The following PAK2 variants were observed in gnomAD, a reference collection of about 807,000 sequenced individuals.
PAK2 encodes the protein serine/threonine-protein kinase PAK 2.
PAK2 carries 21 observed loss-of-function variants against 65.9 expected under a neutral mutation model. The observed-to-expected ratio is 0.32, with a 90% CI of 0.23 to 0.46. The LOEUF is 0.46. Among genes scored for constraint, PAK2 ranks in the 20% least tolerant of loss-of-function variants. The pLI, the probability that PAK2 is intolerant of heterozygous loss-of-function variation, is 1.00. For synonymous variants in PAK2, 204 were observed against 219.7 expected (o/e 0.93, Z 0.63); for missense variants, 324 against 642.6 (o/e 0.50, Z 5.36).
At chr3:196,773,015 T>C (rs550083324) in intron 1 of PAK2, among the ~76,000 whole-genome samples, 64 of 152,324 alleles carry the variant, frequency 4.2e-4, no homozygotes, top group Middle Eastern at 6.8e-3. Context: ...CTCCACTATT[T>C]GGGCTGACCG....
chr3:196,787,629 G>C (rs914615367), intron 2 of PAK2, among the ~76,000 whole-genome samples: 6 of 152,096 alleles, frequency 3.9e-5, no homozygotes, highest in Non-Finnish European at 8.8e-5. Context: ...GCAAATAGGG[G>C]AGAATTGCAT....
At chr3:196,770,144 C>T (rs1714316082) in intron 1 of PAK2, among the ~76,000 whole-genome samples, 1 of 151,792 alleles carries the variant, frequency 6.6e-6, no homozygotes, top group Non-Finnish European at 1.5e-5. Context: ...GTAGTTCCAG[C>T]TACTTAGGAG....
intron 2 of PAK2, among the ~76,000 whole-genome samples, chr3:196,787,262 A>G (rs1426714938): frequency 6.6e-6 from 1 of 152,022 alleles, no homozygotes; most frequent in Non-Finnish European, 1.5e-5. Flanking sequence ...AGAAAAAAAA[A>G]CCTGTGGCTA....
At chr3:196,814,603 T>TA (rs761467669) in intron 11 of PAK2, 35 bp downstream of exon 11, 1 of 854,886 alleles carries the variant, frequency 1.2e-6, no homozygotes. Context: ...GTTATGGTGA[T>TA]ATGTGGTTAG....
intron 1 of PAK2, among the ~76,000 whole-genome samples, chr3:196,740,753 C>T (rs1713164166): frequency 6.6e-6 from 1 of 152,154 alleles, no homozygotes; most frequent in African/African-American, 2.4e-5. Context: ...AGCTTCTCCT[C>T]GCTCCTGTTT....
chr3:196,801,903 C>T (rs1395628245), intron 2 of PAK2, 24 bp from the exon 3 acceptor site: 1 of 1,184,472 alleles, frequency 8.4e-7, no homozygotes, highest in Non-Finnish European at 1.3e-6. Context: ...CTGATTCTTT[C>T]TCTTTTTTTC....
At chr3:196,755,699 C>T (rs901457034) in intron 1 of PAK2, among the ~76,000 whole-genome samples, 1 of 152,130 alleles carries the variant, frequency 6.6e-6, no homozygotes, top group African/African-American at 2.4e-5. Flanking sequence ...CTCAGGTGAT[C>T]CGCCTGCCTC....
intron 2 of PAK2, among the ~76,000 whole-genome samples, chr3:196,790,523 A>G (rs1715032584): frequency 6.6e-6 from 1 of 152,192 alleles, no homozygotes; most frequent in Non-Finnish European, 1.5e-5. Context: ...GTGTTTGATA[A>G]GCAGAAGTGG....
intron 8 of PAK2, among the ~76,000 whole-genome samples, chr3:196,811,221 C>CTTCCTTCCCTTCCT: frequency 6.7e-5 from 1 of 14,896 alleles, no homozygotes; most frequent in Non-Finnish European, 1.1e-4. Context: ...CCTTCCCTCC[C>CTTCCTTCCCTTCCT]TCCCTTCCCT....
chr3:196,797,310 A>G (rs1454158410), intron 2 of PAK2, among the ~76,000 whole-genome samples: 2 of 152,030 alleles, frequency 1.3e-5, no homozygotes, highest in African/African-American at 4.8e-5. Context: ...TAATTATACA[A>G]AAATTAGCTG....
chr3:196,821,171 G>A (rs535260816), intron 13 of PAK2, among the ~76,000 whole-genome samples: 3 of 151,980 alleles, frequency 2.0e-5, no homozygotes, highest in East Asian at 3.9e-4. Flanking sequence ...ACCATATGTG[G>A]CTCAACATTA....
chr3:196,807,923 T>C lies in PAK2; in HGVS notation c.709+9T>C, dbSNP rs565096849. The C allele has an allele frequency of 1.3e-6, 2 of 1,589,184 alleles. No homozygotes were observed. Among genetic ancestry groups the C allele is most frequent in the African/African-American group, 2.7e-5 (2 of 74,520 alleles). The stretch of plus-strand genomic sequence containing the variant: ...GATTATGGAGAAATTAAGTATGTTA[T>C]CTACATTTTACATCATTGTTAAATT... On this transcript the variant is annotated intron_variant, in intron 7 of 14. Transcript: ENST00000327134.
At chr3:196,741,368 T>A (rs1268198014) in intron 1 of PAK2, among the ~76,000 whole-genome samples, 2 of 152,232 alleles carry the variant, frequency 1.3e-5, no homozygotes, top group Non-Finnish European at 2.9e-5. Flanking sequence ...GGTTAAAACT[T>A]GTCAACTTTG....
At chr3:196,780,817 T>G (rs1714682992) in intron 1 of PAK2, among the ~76,000 whole-genome samples, 1 of 152,062 alleles carries the variant, frequency 6.6e-6, no homozygotes, top group Admixed American at 6.6e-5. Context: ...TGAGACAGAG[T>G]CTTGCTTTGT....
rs1190341090 is a variant in PAK2 at position 196,741,333 on chromosome 3, G to T, written c.-22+1176G>T. ...TCAGTAAAGTTACATTGGGATGAAG[G>T]CAGTGAATAGTAATTTTTAAAGCAG... On this transcript the variant is annotated intron_variant, in intron 1 of 14. Coordinates refer to ENST00000327134, the MANE Select transcript of PAK2 (RefSeq NM_002577.4). Among the ~76,000 whole-genome samples the T allele has an allele frequency of 2.6e-5, 4 of 152,292 alleles. 1 individual carries two copies. Among genetic ancestry groups the T allele is most frequent in the Middle Eastern group, 6.8e-3 (2 of 294 alleles).
Position 196,831,892 on chromosome 3 carries a change from A to C in PAK2, c.*3487A>C, listed in dbSNP as rs1318507566. 6.6e-6 allele frequency: 1 copy of C among 152,206 alleles called. No individual in the cohort carries two copies. Among genetic ancestry groups the C allele is most frequent in the Non-Finnish European group, 1.5e-5 (1 of 68,020 alleles). The allele number at this position is 152,206 out of a possible 1,614,324, so 9.4% of individuals were successfully genotyped here. The stretch of plus-strand genomic sequence containing the variant: ...TATAGTGGAACTTCATAGTAATACA[A>C]AAAGCAGATTGTCTTCCTGTCTCCG... On this transcript the variant is annotated 3_prime_UTR_variant, in exon 15 of 15. Transcript: ENST00000327134.
At chr3:196,787,787 T>A (rs1281271628) in intron 2 of PAK2, among the ~76,000 whole-genome samples, 1 of 152,176 alleles carries the variant, frequency 6.6e-6, no homozygotes, top group Non-Finnish European at 1.5e-5. Context: ...TCCTCCTGTT[T>A]CCTGGAGCTC....
intron 1 of PAK2, among the ~76,000 whole-genome samples, chr3:196,745,144 C>G (rs1441904022): frequency 1.7e-4 from 24 of 143,432 alleles, no homozygotes; most frequent in African/African-American, 6.2e-4. Flanking sequence ...GTGACAGAGT[C>G]TCACTCTGTC....
At chr3:196,774,939 T>C (rs1366024169) in intron 1 of PAK2, among the ~76,000 whole-genome samples, 1 of 152,186 alleles carries the variant, frequency 6.6e-6, no homozygotes, top group Non-Finnish European at 1.5e-5. Flanking sequence ...TGCACCAACC[T>C]AATAGAATTT....
Sources: allele counts gnomAD v4.1 joint callset (sites outside exome capture counted in the v4.1 genomes callset), GRCh38; gene constraint gnomAD v4.1.1; transcripts MANE v1.5; gene names NCBI Gene and HGNC (gene_info 2026-07-23, HGNC 2026-07-21).